The following SCML2 variants were observed in gnomAD, a reference collection of about 807,000 sequenced individuals.
SCML2 encodes the protein Scm polycomb group protein like 2, also known as sex comb on midleg-like protein 2.
A neutral mutation model predicts 48.4 loss-of-function variants in SCML2; 6 were observed. The observed-to-expected ratio is 0.12, with a 90% CI of 0.07 to 0.24. The LOEUF (loss-of-function observed/expected upper bound fraction) is 0.24. Among genes scored for constraint, SCML2 ranks in the 10% least tolerant of loss-of-function variants. SCML2 has a pLI of 1.00. For synonymous variants in SCML2, 181 were observed against 189.5 expected (o/e 0.95, Z 0.37); for missense variants, 377 against 528.2 (o/e 0.71, Z 2.81).
rs189378555 is a variant in SCML2, at chrX:18,247,561, A to T, written c.1570+208T>A. Reference sequence around the variant, plus strand: ...AAAGTGAAGGAAAAAGGTTATTACAATTTTTTTTTAATCTATGGAGAAATG... The same window carrying T: ...AAAGTGAAGGAAAAAGGTTATTACATTTTTTTTTTAATCTATGGAGAAATG... On this transcript the variant is annotated intron_variant, in intron 12 of 14. Transcript: ENST00000251900. Among the ~76,000 whole-genome samples, 46 of 110,719 alleles carry T rather than the reference A, an allele frequency of 4.2e-4. No homozygotes were observed. In the East Asian group the frequency reaches 0.013, roughly 30 times the overall value.
intron 7 of SCML2, among the ~76,000 whole-genome samples, chrX:18,289,937 A>C (rs1235093750): frequency 9.0e-6 from 1 of 111,039 alleles, no homozygotes; most frequent in Non-Finnish European, 1.9e-5. Context: ...CAAAAGACAA[A>C]CTTTGAAACA....
intron 6 of SCML2, 28 bp downstream of exon 6, chrX:18,320,304 T>C: frequency 1.1e-6 from 1 of 934,384 alleles, no homozygotes; most frequent in Non-Finnish European, 1.5e-6. Context: ...AATAAAAACA[T>C]GGCAGCTTTT....
chrX:18,343,920 A>AC (rs1930110151), intron 1 of SCML2, among the ~76,000 whole-genome samples: 1 of 83,158 alleles, frequency 1.2e-5, no homozygotes, highest in Non-Finnish European at 2.4e-5. Context: ...CCCTGCCTCT[A>AC]TTTAAAAAAA....
intron 9 of SCML2, 61 bp downstream of exon 9, chrX:18,260,110 C>T: frequency 3.5e-6 from 3 of 845,979 alleles, no homozygotes; most frequent in African/African-American, 2.1e-5. Flanking sequence ...TTCGAAGACA[C>T]TGAAAATAAT....
chrX:18,287,620 C>T (rs1049043250), intron 7 of SCML2, among the ~76,000 whole-genome samples: 1 of 111,521 alleles, frequency 9.0e-6, no homozygotes, highest in African/African-American at 3.3e-5. Flanking sequence ...TACCGCCATA[C>T]CTAAGTGACA....
At chrX:18,245,289 A>G (rs1446537720) in intron 13 of SCML2, among the ~76,000 whole-genome samples, 1 of 112,183 alleles carries the variant, frequency 8.9e-6, no homozygotes, top group Non-Finnish European at 1.9e-5. Context: ...CTGATGCCCC[A>G]ATACCGGCTA....
At chrX:18,259,630 T>C (rs1287824186) in intron 9 of SCML2, among the ~76,000 whole-genome samples, 1 of 112,211 alleles carries the variant, frequency 8.9e-6, no homozygotes, top group African/African-American at 3.2e-5. Flanking sequence ...TAGTCTTTCC[T>C]GCTAATTAAA....
intron 7 of SCML2, among the ~76,000 whole-genome samples, chrX:18,301,374 G>A (rs1928584039): frequency 9.1e-6 from 1 of 110,390 alleles, no homozygotes; most frequent in South Asian, 3.9e-4. Context: ...CTCCAGGCTG[G>A]GTGACAGAGC....
chrX:18,260,857 C>A (rs1047346718), intron 8 of SCML2, among the ~76,000 whole-genome samples: 1 of 109,336 alleles, frequency 9.1e-6, no homozygotes, highest in Non-Finnish European at 1.9e-5. Context: ...CTATAAGAAC[C>A]AATGTTTCCT....
chrX:18,261,278 A>G (rs909679303), intron 8 of SCML2, among the ~76,000 whole-genome samples: 1 of 108,089 alleles, frequency 9.3e-6, no homozygotes, highest in Non-Finnish European at 1.9e-5. Context: ...GATTATAGGC[A>G]TGCGCCACTG....
In SCML2 at chrX:18,241,188, T is replaced by A. The variant is rs1827236117; in HGVS notation, c.*63A>T. The stretch of plus-strand genomic sequence containing the variant: ...AAACAAAAACTGCTAAGAGAAATAC[T>A]TTTAAATTAAAATGTTAACAGTACA... On this transcript the variant is annotated 3_prime_UTR_variant, in exon 15 of 15. Coordinates refer to ENST00000251900, the MANE Select transcript of SCML2 (RefSeq NM_006089.3). The A allele has an allele frequency of 1.0e-6, 1 of 995,592 alleles. No homozygotes were observed. The highest frequency in any genetic ancestry group is 1.3e-6 in the Non-Finnish European group (1 of 749,291). 82.0% of individuals were successfully genotyped at this position (995,592 alleles called of 1,213,427 possible). A position where few individuals can be genotyped will look rare whatever the true frequency, so the allele number is the denominator to read the frequency against.
At chrX:18,267,870 A>T (rs1270320789) in intron 7 of SCML2, among the ~76,000 whole-genome samples, 1 of 111,232 alleles carries the variant, frequency 9.0e-6, no homozygotes, top group Non-Finnish European at 1.9e-5. Flanking sequence ...TGCTGGGATT[A>T]CAGGTGTGAG....
At chrX:18,266,073 G>C (rs1197810157) in intron 7 of SCML2, among the ~76,000 whole-genome samples, 2 of 111,241 alleles carry the variant, frequency 1.8e-5, no homozygotes, top group African/African-American at 6.5e-5. Flanking sequence ...AAAATTCCTA[G>C]CAACTTACCT....
intron 1 of SCML2, among the ~76,000 whole-genome samples, chrX:18,339,956 T>C (rs761478447): frequency 2.7e-5 from 3 of 112,094 alleles, no homozygotes; most frequent in African/African-American, 9.7e-5. Flanking sequence ...TTTTAAAAAA[T>C]CATATATGTA....
chrX:18,338,919 T>TAAA (rs374703842), intron 1 of SCML2, among the ~76,000 whole-genome samples: 2 of 76,450 alleles, frequency 2.6e-5, no homozygotes. Context: ...CCTGTCTCAT[T>TAAA]AAAAAAAAAA....
chrX:18,332,386 T>C (rs958939740), intron 2 of SCML2, among the ~76,000 whole-genome samples: 1 of 112,290 alleles, frequency 8.9e-6, no homozygotes. Flanking sequence ...GTTCTAATTG[T>C]CAAGTGACAA....
At chrX:18,292,149 T>C (rs2147510321) in intron 7 of SCML2, among the ~76,000 whole-genome samples, 1 of 112,064 alleles carries the variant, frequency 8.9e-6, no homozygotes, top group South Asian at 3.7e-4. Context: ...ACAATTGTTT[T>C]TTTAATTAGC....
chrX:18,255,370 C>T (rs752229171), intron 11 of SCML2, among the ~76,000 whole-genome samples: 2 of 112,149 alleles, frequency 1.8e-5, no homozygotes, highest in Non-Finnish European at 3.8e-5. Context: ...AAATGTAGGC[C>T]GGTCAGACTT....
chrX:18,323,531 C>T (rs1051462366), intron 5 of SCML2, among the ~76,000 whole-genome samples: 5 of 111,374 alleles, frequency 4.5e-5, no homozygotes, highest in Non-Finnish European at 9.4e-5. Context: ...TTGTATCAAA[C>T]GCTACAAAGT....
Sources: allele counts gnomAD v4.1 joint callset (sites outside exome capture counted in the v4.1 genomes callset), GRCh38; gene constraint gnomAD v4.1.1; transcripts MANE v1.5; gene names NCBI Gene and HGNC (gene_info 2026-07-23, HGNC 2026-07-21).